ADCY1: variants seen among roughly 807,000 people sequenced by gnomAD.
ADCY1 encodes the protein adenylate cyclase type 1.
ADCY1 carries 28 observed loss-of-function variants against 105.4 expected under a neutral mutation model. The ratio of observed to expected loss-of-function variants is 0.27; its 90% CI spans 0.20 to 0.36. ADCY1 has a LOEUF of 0.36. Ranked by LOEUF, ADCY1 falls within the 10% of genes least tolerant of loss-of-function variation. The probability of loss-of-function intolerance (pLI) is 1.00; values close to 1 mark genes in which losing one functional copy is unlikely to be tolerated. For synonymous variants in ADCY1, 655 were observed against 623.8 expected (o/e 1.05, Z -0.75); for missense variants, 977 against 1,434.2 (o/e 0.68, Z 5.15).
At chr7:45,689,352 G>T (rs1784744937) in intron 14 of ADCY1, among the ~76,000 whole-genome samples, 1 of 152,188 alleles carries the variant, frequency 6.6e-6, no homozygotes, top group East Asian at 1.9e-4. Flanking sequence ...ATAAAGAAAA[G>T]AGGTTTAATT....
rs552414012 is a variant in ADCY1, at chr7:45,575,883, G to A, written c.639+701G>A. On this transcript the variant is annotated intron_variant, in intron 1 of 19. Transcript: ENST00000297323. This position sits in a 1 kb window ranked among gnomAD's most constrained non-coding sequence, Gnocchi z 4.7. ...GGGCGGGCGAGATGGTTGCAAGGAC[G>A]GGGACGCTGTCTGCCTCCCGCGGAC... Among the ~76,000 whole-genome samples, 1 of 152,370 alleles carries A rather than the reference G, an allele frequency of 6.6e-6. No homozygotes were observed. The highest frequency in any genetic ancestry group is 2.4e-5 in the African/African-American group (1 of 41,594).
chr7:45,668,031 G>C (rs1784294842), intron 8 of ADCY1, among the ~76,000 whole-genome samples: 2 of 152,234 alleles, frequency 1.3e-5, no homozygotes, highest in South Asian at 4.1e-4. Flanking sequence ...ATTTTGGGCT[G>C]AGATGATGGG....
At chr7:45,612,280 T>A (rs1793614556) in intron 3 of ADCY1, among the ~76,000 whole-genome samples, 5 of 152,200 alleles carry the variant, frequency 3.3e-5, no homozygotes. Flanking sequence ...TTGGTTCTGT[T>A]TAATATCATC....
chr7:45,686,183 C>G lies in ADCY1; in HGVS notation c.2295C>G (p.Leu765=), dbSNP rs189182716. 2 of 1,614,120 alleles carry G rather than the reference C, an allele frequency of 1.2e-6. No homozygotes were observed. Among genetic ancestry groups the G allele is most frequent in the Admixed American group, 1.7e-5 (1 of 60,020 alleles). ...LLSGLTTSYI[L]VLELSGYTRT... ...CCGGGCTCACCACGTCCTACATCCT[C>G]GTTCTGGAGCTCAGCGGATACACCA... Residue 765 remains leucine (L), a synonymous_variant, in exon 13 of 20, where the codon CTC becomes CTG. Coordinates refer to ENST00000297323, the MANE Select transcript of ADCY1 (RefSeq NM_021116.4). This position sits in a 1 kb window ranked among gnomAD's most constrained non-coding sequence, Gnocchi z 4.3.
At chr7:45,709,407 G>A (rs1218299950) in intron 18 of ADCY1, among the ~76,000 whole-genome samples, 1 of 152,208 alleles carries the variant, frequency 6.6e-6, no homozygotes, top group African/African-American at 2.4e-5. Flanking sequence ...AGGATCTCTC[G>A]GGGCCCTTCT....
rs1792318883 is a variant in ADCY1 at position 45,575,671 on chromosome 7, A to G, written c.639+489A>G. Among the ~76,000 whole-genome samples, 1 of 152,240 alleles carries G rather than the reference A, an allele frequency of 6.6e-6. No homozygotes were observed. Among genetic ancestry groups the G allele is most frequent in the Non-Finnish European group, 1.5e-5 (1 of 68,034 alleles). On this transcript the variant is annotated intron_variant, in intron 1 of 19. Transcript: ENST00000297323. The surrounding 1 kb of genome is among the most constrained non-coding windows in gnomAD (Gnocchi z 4.7). ...CCAACCCTGCGGACCCGAGGGTGGTATATGGGTGGTGGGAAAGGACTTCGG... is the reference window on the plus strand; with the variant it reads ...CCAACCCTGCGGACCCGAGGGTGGTGTATGGGTGGTGGGAAAGGACTTCGG...
chr7:45,600,486 G>A (rs1035541661), intron 2 of ADCY1, among the ~76,000 whole-genome samples: 2 of 152,238 alleles, frequency 1.3e-5, no homozygotes, highest in Non-Finnish European at 2.9e-5. Flanking sequence ...GAGTAAAGTG[G>A]CCCGTTGGGA....
intron 8 of ADCY1, among the ~76,000 whole-genome samples, chr7:45,673,276 A>G (rs185105926): frequency 8.5e-5 from 13 of 152,246 alleles, no homozygotes; most frequent in African/African-American, 3.1e-4. Context: ...TGTTGGTATC[A>G]GGGTAATACT....
intron 2 of ADCY1, among the ~76,000 whole-genome samples, chr7:45,609,366 G>A (rs1419696943): frequency 6.6e-6 from 1 of 152,204 alleles, no homozygotes; most frequent in Non-Finnish European, 1.5e-5. Context: ...CTCAGTGCTG[G>A]GTGCCCGCGT....
intron 2 of ADCY1, among the ~76,000 whole-genome samples, chr7:45,609,464 G>A (rs546623396): frequency 1.1e-4 from 17 of 152,382 alleles, no homozygotes; most frequent in African/African-American, 3.1e-4. Flanking sequence ...GCCAGAGGGC[G>A]CGGTGGGAGG....
chr7:45,690,023 G>T (rs1181474452), intron 14 of ADCY1, among the ~76,000 whole-genome samples: 1 of 152,254 alleles, frequency 6.6e-6, no homozygotes, highest in African/African-American at 2.4e-5. Context: ...CCCGATCCCT[G>T]TCTCCAAAGG....
At position 45,720,856 on chromosome 7, in the gene ADCY1, C is replaced by CT. The variant is rs1455927480; in HGVS notation, c.*6862dup. 6.6e-6 allele frequency: 1 copy of CT among 152,188 alleles called. No homozygotes were observed. 9.4% of individuals were successfully genotyped at this position (152,188 alleles called of 1,614,324 possible). ...CCTTCTGTGTGCTTCACCTCACTCT[C>CT]TACTTCAAACAGCCCATGGAGGGAG... is the stretch of plus-strand genomic sequence containing the variant. On this transcript the variant is annotated 3_prime_UTR_variant, in exon 20 of 20. Coordinates refer to ENST00000297323, the MANE Select transcript of ADCY1 (RefSeq NM_021116.4).
At chr7:45,636,837 A>T (rs1794409494) in intron 4 of ADCY1, among the ~76,000 whole-genome samples, 1 of 152,182 alleles carries the variant, frequency 6.6e-6, no homozygotes, top group African/African-American at 2.4e-5. Flanking sequence ...CTCCATACCC[A>T]GCCTGTTTGT....
At chr7:45,696,940 GA>G (rs1455580238) in intron 14 of ADCY1, among the ~76,000 whole-genome samples, 2 of 152,188 alleles carry the variant, frequency 1.3e-5, no homozygotes, top group Non-Finnish European at 2.9e-5. Flanking sequence ...CCTCAGAAAG[GA>G]GTAATTTATT....
At chr7:45,639,242 C>A (rs1471270585) in intron 4 of ADCY1, among the ~76,000 whole-genome samples, 1 of 152,158 alleles carries the variant, frequency 6.6e-6, no homozygotes, top group African/African-American at 2.4e-5. Context: ...TATTTTTGAC[C>A]TTTTCCCCAT....
upstream of ADCY1, chr7:45,574,220 C>T (rs1461544292): frequency 2.2e-6 from 2 of 890,190 alleles, no homozygotes; most frequent in Non-Finnish European, 2.7e-6. The surrounding 1 kb of genome is among the most constrained non-coding windows in gnomAD (Gnocchi z 7.0). Context: ...CTCCGGCGGG[C>T]GGGAACGCAG....
intron 5 of ADCY1, among the ~76,000 whole-genome samples, chr7:45,655,548 A>G (rs1238018574): frequency 6.6e-6 from 1 of 152,254 alleles, no homozygotes; most frequent in Non-Finnish European, 1.5e-5. Flanking sequence ...TCACTATGAG[A>G]ACAGTTCTGG....
At chr7:45,662,364 A>G (rs982600109) in intron 8 of ADCY1, 150 bp downstream of exon 8, 10 of 887,128 alleles carry the variant, frequency 1.1e-5, no homozygotes, top group Non-Finnish European at 1.7e-5. Context: ...GAGCTGAGCT[A>G]CTTTTTATTT....
chr7:45,593,844 T>G (rs1312902022), intron 2 of ADCY1, among the ~76,000 whole-genome samples: 2 of 152,206 alleles, frequency 1.3e-5, no homozygotes, highest in African/African-American at 4.8e-5. Flanking sequence ...GGATATACAA[T>G]AAAAGTAGGA....
Sources: gnomAD v4.1 joint callset for allele counts (sites outside exome capture counted in the v4.1 genomes callset) on GRCh38, gnomAD v4.1.1 for gene constraint, Gnocchi (gnomAD v3.1) non-coding constraint, MANE v1.5 for transcripts, NCBI Gene and HGNC (gene_info 2026-07-23, HGNC 2026-07-21) for gene names.